SCLT1: variants seen among roughly 807,000 people sequenced by gnomAD.
SCLT1 encodes the protein sodium channel and clathrin linker 1.
A neutral mutation model predicts 112.8 loss-of-function variants in SCLT1; 78 were observed. That is an observed-to-expected ratio of 0.69 (90% confidence interval 0.58 to 0.83). The LOEUF (loss-of-function observed/expected upper bound fraction) is 0.83, where lower values mean the gene tolerates loss of function less well. Among genes scored for constraint, SCLT1 ranks in the 40% least tolerant of loss-of-function variants. The probability of loss-of-function intolerance (pLI) is 0.00; values close to 1 mark genes in which losing one functional copy is unlikely to be tolerated. For missense variants in SCLT1, 747 were observed against 770.4 expected, an observed-to-expected ratio of 0.97 and a Z score of 0.36; for synonymous variants, 257 against 254.7, an observed-to-expected ratio of 1.01 and a Z score of -0.09.
intron 5 of SCLT1, among the ~76,000 whole-genome samples, chr4:129,009,456 G>A (rs1256703660): frequency 6.6e-6 from 1 of 151,726 alleles, no homozygotes; most frequent in Non-Finnish European, 1.5e-5. Flanking sequence ...GGAGCTTGCA[G>A]TGAGCTGAGA....
At chr4:128,977,171 A>T (rs1459539892) in intron 9 of SCLT1, among the ~76,000 whole-genome samples, 1 of 151,488 alleles carries the variant, frequency 6.6e-6, no homozygotes, top group East Asian at 1.9e-4. Context: ...ACAGAATTTA[A>T]GGGATTCTAT....
chr4:128,897,449 A>C (rs922795213), intron 18 of SCLT1, among the ~76,000 whole-genome samples: 2 of 149,892 alleles, frequency 1.3e-5, no homozygotes, highest in East Asian at 3.9e-4. Flanking sequence ...GGAGAAATAA[A>C]ATCCTTTACA....
At chr4:128,919,503 G>C (rs1245197682) in intron 18 of SCLT1, among the ~76,000 whole-genome samples, 2 of 151,628 alleles carry the variant, frequency 1.3e-5, no homozygotes, top group Admixed American at 1.3e-4. Flanking sequence ...ATCACACCTA[G>C]AGGAACAAGG....
At chr4:128,897,329 C>T (rs1161938726) in intron 18 of SCLT1, among the ~76,000 whole-genome samples, 1 of 151,998 alleles carries the variant, frequency 6.6e-6, no homozygotes, top group African/African-American at 2.4e-5. Context: ...GATCTCTCGG[C>T]AGAAACTCTA....
chr4:128,924,055 C>G (rs1736100980), intron 18 of SCLT1, among the ~76,000 whole-genome samples: 1 of 151,830 alleles, frequency 6.6e-6, no homozygotes. Context: ...GTTTTCATTT[C>G]TCTTGGGTAA....
intron 5 of SCLT1, among the ~76,000 whole-genome samples, chr4:129,012,434 C>T (rs1481701829): frequency 4.6e-5 from 7 of 152,136 alleles, no homozygotes; most frequent in African/African-American, 1.7e-4. Context: ...TGTTTTACTT[C>T]TGATTACGTG....
intron 11 of SCLT1, among the ~76,000 whole-genome samples, chr4:128,961,458 A>G (rs1739723553): frequency 6.6e-6 from 1 of 152,122 alleles, no homozygotes; most frequent in Non-Finnish European, 1.5e-5. Flanking sequence ...TAATTTGATT[A>G]TTGTGGCTTT....
chr4:129,084,682 C>A (rs1477800824), intron 1 of SCLT1, among the ~76,000 whole-genome samples: 1 of 152,068 alleles, frequency 6.6e-6, no homozygotes, highest in African/African-American at 2.4e-5. Context: ...GACACATAGG[C>A]CAATGGAACA....
intron 18 of SCLT1, among the ~76,000 whole-genome samples, chr4:128,898,573 A>G (rs1018175936): frequency 4.6e-5 from 7 of 152,240 alleles, no homozygotes; most frequent in Non-Finnish European, 8.8e-5. Flanking sequence ...AGAAAGCAGG[A>G]AAGATCGAAA....
intron 5 of SCLT1, among the ~76,000 whole-genome samples, chr4:129,014,641 G>A (rs1421793603): frequency 1.3e-5 from 2 of 152,188 alleles, no homozygotes; most frequent in African/African-American, 4.8e-5. Flanking sequence ...ATTGGGCCCT[G>A]ACATTGTTCT....
At chr4:129,076,390 C>CTA (rs1316902270) in intron 2 of SCLT1, among the ~76,000 whole-genome samples, 3 of 151,992 alleles carry the variant, frequency 2.0e-5, no homozygotes, top group African/African-American at 7.3e-5. Context: ...TCTTTTTATT[C>CTA]TACCTTATGT....
chr4:128,938,560 T>C (rs912081441), intron 17 of SCLT1, among the ~76,000 whole-genome samples: 2 of 152,196 alleles, frequency 1.3e-5, no homozygotes, highest in East Asian at 1.9e-4. Context: ...CAAATTTAGA[T>C]TGCCTGCCCT....
intron 9 of SCLT1, among the ~76,000 whole-genome samples, chr4:128,978,442 C>A (rs1337116601): frequency 6.6e-6 from 1 of 150,760 alleles, no homozygotes; most frequent in African/African-American, 2.5e-5. Context: ...AAAAACAAAA[C>A]AAAACAAAAC....
At chr4:129,005,355 A>G (rs1405812147) in intron 5 of SCLT1, among the ~76,000 whole-genome samples, 1 of 152,236 alleles carries the variant, frequency 6.6e-6, no homozygotes, top group Admixed American at 6.5e-5. Flanking sequence ...AAAATATCAG[A>G]AACACTGAGA....
chr4:128,920,360 C>T (rs6825433), intron 18 of SCLT1, among the ~76,000 whole-genome samples: 40,760 of 152,126 alleles, frequency 0.27, 5,826 homozygotes, highest in East Asian at 0.33. Flanking sequence ...GGCACAATAT[C>T]GGCTAAGTGA....
intron 5 of SCLT1, among the ~76,000 whole-genome samples, chr4:129,018,040 T>C (rs941687938): frequency 6.6e-6 from 1 of 152,242 alleles, no homozygotes; most frequent in Non-Finnish European, 1.5e-5. Flanking sequence ...CAGAATGTTA[T>C]TGCCAGAGCT....
chr4:128,971,194 GAACA>G (rs1289267900), intron 9 of SCLT1: 1 of 151,902 alleles, frequency 6.6e-6, no homozygotes, highest in Non-Finnish European at 1.5e-5. Flanking sequence ...ATTATCTAAA[GAACA>G]TACATTTTCA....
At chr4:129,013,102 G>A (rs1285500338) in intron 5 of SCLT1, among the ~76,000 whole-genome samples, 1 of 152,114 alleles carries the variant, frequency 6.6e-6, no homozygotes, top group Non-Finnish European at 1.5e-5. Context: ...ATTAAGCCCA[G>A]TATCCAGTAG....
At chr4:129,084,820 G>A (rs1441696367) in intron 1 of SCLT1, among the ~76,000 whole-genome samples, 16 of 152,132 alleles carry the variant, frequency 1.1e-4, no homozygotes, top group Admixed American at 1.0e-3. Context: ...CAAGCCATAT[G>A]AAAAAAGACT....
Sources: gnomAD v4.1 joint callset for allele counts (sites outside exome capture counted in the v4.1 genomes callset) on GRCh38, gnomAD v4.1.1 for gene constraint, MANE v1.5 for transcripts, NCBI Gene and HGNC (gene_info 2026-07-23, HGNC 2026-07-21) for gene names.